Variants in ST18 observed in about 807,000 individuals in gnomAD.
The protein encoded by ST18 is suppression of tumorigenicity 18 protein.
Under a neutral mutation model 110.0 loss-of-function variants are expected in ST18, and 50 were observed. That is an observed-to-expected ratio of 0.45 (90% confidence interval 0.36 to 0.58). The LOEUF is 0.58. Among genes scored for constraint, ST18 ranks in the 20% least tolerant of loss-of-function variants. The probability of loss-of-function intolerance (pLI) is 0.00; values close to 1 mark genes in which losing one functional copy is unlikely to be tolerated. For missense variants in ST18, 1,306 were observed against 1,280.1 expected (o/e 1.02, Z -0.31); for synonymous variants, 461 against 452.4 (o/e 1.02, Z -0.24).
chr8:52,250,974 T>A (rs2094269393), intron 2 of ST18, among the ~76,000 whole-genome samples: 1 of 152,176 alleles, frequency 6.6e-6, no homozygotes, highest in Non-Finnish European at 1.5e-5. Flanking sequence ...TATGTAAAGA[T>A]ACTAAAAAGT....
Position 52,122,303 on chromosome 8 carries a change from T to G in ST18, c.2755+3749A>C, listed in dbSNP as rs759862597. 6.0e-4 allele frequency among the ~76,000 whole-genome samples: 91 copies of G among 152,220 alleles called. No individual in the cohort carries two copies. In the Middle Eastern group the frequency reaches 0.01, roughly 17 times the overall value. On this transcript the variant is annotated intron_variant, in intron 23 of 25. Transcript: ENST00000689386. ...CATATTTGGGGATTATATATTATATTTTCTTTGTATTCTGTATAATTATGC... is the reference window on the plus strand; with the variant it reads ...CATATTTGGGGATTATATATTATATGTTCTTTGTATTCTGTATAATTATGC...
intron 8 of ST18, among the ~76,000 whole-genome samples, chr8:52,189,135 C>G (rs1439947628): frequency 6.6e-6 from 1 of 152,104 alleles, no homozygotes; most frequent in Non-Finnish European, 1.5e-5. Flanking sequence ...CTCCTTGCCC[C>G]CAAACAATAA....
chr8:52,179,468 T>C (rs1177010223), intron 9 of ST18, among the ~76,000 whole-genome samples: 2 of 152,180 alleles, frequency 1.3e-5, no homozygotes, highest in African/African-American at 4.8e-5. Context: ...TTTTCTACAA[T>C]ACATCATTTT....
At chr8:52,200,515 G>A (rs906030542) in intron 8 of ST18, among the ~76,000 whole-genome samples, 18 of 152,150 alleles carry the variant, frequency 1.2e-4, no homozygotes, top group Admixed American at 2.0e-4. Flanking sequence ...AACAGGGAAG[G>A]GAGACCAGGC....
At chr8:52,377,671 A>G (rs1279479609) in intron 2 of ST18, among the ~76,000 whole-genome samples, 3 of 152,218 alleles carry the variant, frequency 2.0e-5, no homozygotes, top group African/African-American at 7.2e-5. Context: ...AATTAGTACA[A>G]CCACTATGGA....
At chr8:52,223,935 A>T (rs1420835146) in intron 3 of ST18, among the ~76,000 whole-genome samples, 1 of 152,174 alleles carries the variant, frequency 6.6e-6, no homozygotes, top group East Asian at 1.9e-4. Flanking sequence ...GACCACTCTG[A>T]GATTTGCTTT....
intron 2 of ST18, among the ~76,000 whole-genome samples, chr8:52,272,014 A>G (rs1465742699): frequency 6.6e-6 from 1 of 152,226 alleles, no homozygotes; most frequent in Non-Finnish European, 1.5e-5. Flanking sequence ...CCTAAGAACT[A>G]TCTGGAGACT....
intron 3 of ST18, among the ~76,000 whole-genome samples, chr8:52,224,119 G>A (rs548795308): frequency 1.2e-4 from 19 of 152,260 alleles, no homozygotes; most frequent in African/African-American, 4.1e-4. Context: ...ATCCTTGCCT[G>A]ACTCAGTTTT....
chr8:52,118,727 A>T (rs957237525), intron 23 of ST18, among the ~76,000 whole-genome samples: 5 of 152,094 alleles, frequency 3.3e-5, no homozygotes, highest in Non-Finnish European at 7.4e-5. Context: ...ATTACATCTT[A>T]CCACACCCTA....
chr8:52,116,370 GT>G lies in ST18; in HGVS notation c.2907del (p.Lys969AsnfsTer3). 1 of 1,613,988 alleles carries G rather than the reference GT, an allele frequency of 6.2e-7. No individual in the cohort carries two copies. Among genetic ancestry groups the G allele is most frequent in the South Asian group, 1.1e-5 (1 of 91,066 alleles). On this transcript the variant is annotated frameshift_variant, in exon 25 of 26. Coordinates refer to ENST00000689386, the MANE Select transcript of ST18 (RefSeq NM_001352837.2). LOFTEE classifies it high-confidence loss of function. ...SNLKTIEEEN[K>X]LIEQNNESLL... is the part of the protein sequence containing the mutation. The stretch of plus-strand genomic sequence containing the variant: ...AGACTTTCATTGTTCTGTTCTATGA[GT>G]TTGTTCTCCTCCTCTATCGTCTTTA...
intron 6 of ST18, among the ~76,000 whole-genome samples, chr8:52,215,009 GA>G (rs1267431195): frequency 6.6e-6 from 1 of 152,162 alleles, no homozygotes; most frequent in Non-Finnish European, 1.5e-5. Flanking sequence ...TAGAATCCGC[GA>G]ATCATCTCTT....
In ST18 at chr8:52,112,544, T is replaced by G. The variant is rs1410979806; in HGVS notation, c.*654A>C. 1 of 152,656 alleles carries G rather than the reference T, an allele frequency of 6.6e-6. No homozygotes were observed. The highest frequency in any genetic ancestry group is 1.5e-5 in the Non-Finnish European group (1 of 68,054). 9.5% of individuals were successfully genotyped at this position (152,656 alleles called of 1,614,324 possible). ...CTGAGCAGGCTGTTTTCCAGCATCC[T>G]GTGCTTTTGTGAGTGCGGATTCCCC... On this transcript the variant is annotated 3_prime_UTR_variant, in exon 26 of 26. Transcript: ENST00000689386.
chr8:52,172,879 T>C (rs2065491470), intron 9 of ST18, among the ~76,000 whole-genome samples: 1 of 152,190 alleles, frequency 6.6e-6, no homozygotes, highest in South Asian at 2.1e-4. Context: ...TAAGTACTTC[T>C]GGGGTATTGA....
chr8:52,332,575 G>T (rs1057199807), intron 2 of ST18, among the ~76,000 whole-genome samples: 2 of 146,702 alleles, frequency 1.4e-5, no homozygotes, highest in Admixed American at 1.4e-4. Flanking sequence ...AATGCAGGCC[G>T]GGCACGGTGG....
chr8:52,334,762 T>A (rs1265035434), intron 2 of ST18, among the ~76,000 whole-genome samples: 1 of 152,202 alleles, frequency 6.6e-6, no homozygotes. Flanking sequence ...CATTGGCTGT[T>A]ATGGTTCCAA....
intron 2 of ST18, among the ~76,000 whole-genome samples, chr8:52,332,872 T>C (rs1159483493): frequency 2.6e-5 from 4 of 151,858 alleles, no homozygotes; most frequent in Non-Finnish European, 4.4e-5. Flanking sequence ...ACAAAATATA[T>C]ATATATATGA....
chr8:52,399,210 C>T (rs1470986512), intron 2 of ST18, among the ~76,000 whole-genome samples: 1 of 151,938 alleles, frequency 6.6e-6, no homozygotes, highest in Non-Finnish European at 1.5e-5. Context: ...CTAGGTTATA[C>T]CATTTATTGG....
chr8:52,385,114 T>C (rs1333684002), intron 2 of ST18, among the ~76,000 whole-genome samples: 2 of 152,226 alleles, frequency 1.3e-5, no homozygotes, highest in Non-Finnish European at 2.9e-5. Context: ...TTTCAGTTTC[T>C]AGAATAATTG....
At chr8:52,196,612 C>T (rs114581628) in intron 8 of ST18, among the ~76,000 whole-genome samples, 6,146 of 152,222 alleles carry the variant, frequency 0.04, 154 homozygotes, top group East Asian at 0.085. Context: ...ATTCATATAA[C>T]TTTTATTGCA....
Sources: allele counts gnomAD v4.1 joint callset (sites outside exome capture counted in the v4.1 genomes callset), GRCh38; gene constraint gnomAD v4.1.1; transcripts MANE v1.5; gene names NCBI Gene and HGNC (gene_info 2026-07-23, HGNC 2026-07-21).